The following MTBP variants were observed in gnomAD, a reference collection of about 807,000 sequenced individuals.
MTBP encodes mdm2-binding protein.
A neutral mutation model predicts 117.0 loss-of-function variants in MTBP; 101 were observed. That is an observed-to-expected ratio of 0.86 (90% CI 0.73 to 1.02). The LOEUF is 1.02. Among genes scored for constraint, MTBP ranks in the 50% least tolerant of loss-of-function variants. MTBP has a pLI of 0.00. For missense variants in MTBP, 970 were observed against 1,030.9 expected, an observed-to-expected ratio of 0.94 and a Z score of 0.81; for synonymous variants, 350 against 351.5, an observed-to-expected ratio of 1.00 and a Z score of 0.05.
Position 120,456,594 on chromosome 8 carries a change from T to G in MTBP, c.671T>G (p.Val224Gly), listed in dbSNP as rs1813472793. The G allele has an allele frequency of 1.3e-6, 2 of 1,598,390 alleles. No individual in the cohort carries two copies. Among genetic ancestry groups the G allele is most frequent in the Non-Finnish European group, 1.7e-6 (2 of 1,169,978 alleles). ...KIAEYLSANV[V>G]SLEDLRNVID... ...GCAGAATACCTTTCTGCTAATGTTGTATCTTTAGAAGATCTCAGAAATGTT... is the reference window on the plus strand; with the variant it reads ...GCAGAATACCTTTCTGCTAATGTTGGATCTTTAGAAGATCTCAGAAATGTT... The change falls in exon 7 of 22, where the codon GTA (valine) becomes GGA (glycine). Residue 224 changes from valine to glycine, a missense_variant. Coordinates refer to ENST00000305949, the MANE Select transcript of MTBP (RefSeq NM_022045.5).
At chr8:120,448,647 T>A (rs1418956985) in intron 2 of MTBP, among the ~76,000 whole-genome samples, 1 of 152,220 alleles carries the variant, frequency 6.6e-6, no homozygotes, top group East Asian at 1.9e-4. Flanking sequence ...ACAGTGGTTT[T>A]GTAGACTGAG....
intron 15 of MTBP, among the ~76,000 whole-genome samples, chr8:120,503,390 A>G (rs1275718388): frequency 2.0e-5 from 3 of 152,214 alleles, no homozygotes; most frequent in African/African-American, 4.8e-5. Flanking sequence ...ATAGTTGTAA[A>G]TTATTCTGTG....
chr8:120,522,744 T>C, intron 21 of MTBP, 25 bp downstream of exon 21: 1 of 1,535,580 alleles, frequency 6.5e-7, no homozygotes, highest in African/African-American at 1.4e-5. Flanking sequence ...CCCAAGAAAC[T>C]ATATTCAATT....
intron 4 of MTBP, chr8:120,451,566 A>G: frequency 2.6e-6 from 1 of 382,918 alleles, no homozygotes; most frequent in South Asian, 3.3e-5. Flanking sequence ...TCCTTTCTTG[A>G]AGATAAATTC....
chr8:120,505,619 G>A (rs1640311150), intron 15 of MTBP, among the ~76,000 whole-genome samples: 1 of 152,108 alleles, frequency 6.6e-6, no homozygotes, highest in African/African-American at 2.4e-5. Context: ...CAGTAATTAT[G>A]CTTAATTTGA....
At chr8:120,445,715 G>A in intron 1 of MTBP, 127 bp downstream of exon 1, 1 of 706,964 alleles carries the variant, frequency 1.4e-6, no homozygotes, top group East Asian at 2.9e-5. Context: ...ACTCTATCTG[G>A]GATAGAGTTA....
In MTBP at chr8:120,515,345, T is replaced by C. The variant is rs139878770; in HGVS notation, c.1980-580T>C. Among the ~76,000 whole-genome samples, 686 of 152,104 alleles carry C rather than the reference T, an allele frequency of 4.5e-3. 5 individuals carry two copies. The highest frequency in any genetic ancestry group is 0.015 in the African/African-American group (607 of 41,536). Reference sequence around the variant, plus strand: ...AAGCATTCACTGAGCTGACATTTCATTGATGCCCTGAATCAGATTCAGCTA... The same window carrying C: ...AAGCATTCACTGAGCTGACATTTCACTGATGCCCTGAATCAGATTCAGCTA... On this transcript the variant is annotated intron_variant, in intron 17 of 21. Transcript: ENST00000305949.
intron 19 of MTBP, among the ~76,000 whole-genome samples, 164 bp from the exon 20 acceptor site, chr8:120,518,540 A>T (rs530448915): frequency 8.1e-6 from 1 of 123,108 alleles, no homozygotes; most frequent in Non-Finnish European, 1.9e-5. Flanking sequence ...CTGACCATGT[A>T]AATGTTAGAT....
chr8:120,510,136 G>T, intron 17 of MTBP, 107 bp downstream of exon 17: 1 of 796,508 alleles, frequency 1.3e-6, no homozygotes. Flanking sequence ...AGACCAAGAG[G>T]ATATGTCAAA....
chr8:120,515,909 C>CT lies in MTBP; in HGVS notation c.1980-13dup, dbSNP rs1204469803. 16 of 1,608,708 alleles carry CT rather than the reference C, an allele frequency of 9.9e-6. No individual in the cohort carries two copies. The highest frequency in any genetic ancestry group is 1.3e-5 in the African/African-American group (1 of 74,676). ...TCATGGAGGTTTACATTTTAATGCTCTTTCACTCATTTTAGATATTGCTTG... is the reference window on the plus strand; with the variant it reads ...TCATGGAGGTTTACATTTTAATGCTCTTTTCACTCATTTTAGATATTGCTTG... On this transcript the variant is annotated splice_polypyrimidine_tract_variant and intron_variant, in intron 17 of 21. Transcript: ENST00000305949.
chr8:120,482,189 C>A (rs1651949214), intron 11 of MTBP, among the ~76,000 whole-genome samples: 1 of 152,132 alleles, frequency 6.6e-6, no homozygotes, highest in African/African-American at 2.4e-5. Context: ...AGAACCTCTG[C>A]CCTAGGTGGT....
intron 19 of MTBP, 122 bp downstream of exon 19, chr8:120,518,222 G>C: frequency 9.4e-7 from 1 of 1,063,584 alleles, no homozygotes; most frequent in South Asian, 1.8e-5. Context: ...GAATTTACTG[G>C]TGTAAGAAGG....
intron 5 of MTBP, among the ~76,000 whole-genome samples, 155 bp from the exon 6 acceptor site, chr8:120,455,280 T>C (rs1813444291): frequency 6.6e-6 from 1 of 152,002 alleles, no homozygotes; most frequent in Admixed American, 6.5e-5. Context: ...TTGGAGAATT[T>C]CAGAAATTAA....
intron 14 of MTBP, 61 bp downstream of exon 14, chr8:120,497,615 A>T: frequency 1.0e-6 from 1 of 992,984 alleles, no homozygotes. Flanking sequence ...GACATTTATT[A>T]TTAAAACTTA....
intron 20 of MTBP, among the ~76,000 whole-genome samples, chr8:120,521,121 C>G (rs1260453921): frequency 6.6e-6 from 1 of 151,922 alleles, no homozygotes; most frequent in African/African-American, 2.4e-5. Flanking sequence ...ATTAAAAAGA[C>G]CAAAAGCAGA....
chr8:120,508,813 T>G (rs1399175350), intron 16 of MTBP, among the ~76,000 whole-genome samples: 1 of 152,180 alleles, frequency 6.6e-6, no homozygotes, highest in Non-Finnish European at 1.5e-5. Flanking sequence ...ATTTCCCCAT[T>G]TCCTGAACTT....
chr8:120,446,149 T>G (rs1052199622), intron 1 of MTBP, among the ~76,000 whole-genome samples: 1 of 152,222 alleles, frequency 6.6e-6, no homozygotes, highest in Admixed American at 6.5e-5. Flanking sequence ...ATGTATGTGG[T>G]TGTGTATAAG....
At chr8:120,498,887 T>C (rs1036428974) in intron 14 of MTBP, among the ~76,000 whole-genome samples, 39 of 152,272 alleles carry the variant, frequency 2.6e-4, no homozygotes, top group Middle Eastern at 3.4e-3. Flanking sequence ...GGTTGAAAGA[T>C]AGGAAGGGCT....
intron 20 of MTBP, 120 bp from the exon 21 acceptor site, chr8:120,522,534 C>A: frequency 1.5e-6 from 1 of 663,622 alleles, no homozygotes; most frequent in Non-Finnish European, 2.5e-6. Flanking sequence ...GTAGTCTGTC[C>A]CTAATCACAT....
Sources: allele counts gnomAD v4.1 joint callset (sites outside exome capture counted in the v4.1 genomes callset), GRCh38; gene constraint gnomAD v4.1.1; transcripts MANE v1.5; gene names NCBI Gene and HGNC (gene_info 2026-07-23, HGNC 2026-07-21).